The following XKR9 variants were observed in gnomAD, a reference collection of about 807,000 sequenced individuals.
XKR9 encodes XK-related protein 9.
XKR9 carries 32 observed loss-of-function variants against 32.0 expected under a neutral mutation model. The ratio of observed to expected loss-of-function variants is 1.00; its 90% confidence interval spans 0.76 to 1.34. The LOEUF (loss-of-function observed/expected upper bound fraction) is 1.34. Among genes scored for constraint, XKR9 ranks in the 40% most tolerant of loss-of-function variants. The pLI, the probability that XKR9 is intolerant of heterozygous loss-of-function variation, is 0.00. For synonymous variants in XKR9, 168 were observed against 143.4 expected (o/e 1.17, Z -1.22); for missense variants, 546 against 429.7 (o/e 1.27, Z -2.39).
chr8:70,751,649 G>A lies in XKR9; in HGVS notation n.353-37690G>A, dbSNP rs139666057. On this transcript the variant is annotated intron_variant and non_coding_transcript_variant, in intron 2 of 3. Coordinates refer to the XKR9 transcript ENST00000520273. Reference sequence around the variant, plus strand: ...AAAGGCAGAGGAAAGGTGATTTGCCGTTTCTTCTTGAGCTGAGACATCTAC... The same window carrying A: ...AAAGGCAGAGGAAAGGTGATTTGCCATTTCTTCTTGAGCTGAGACATCTAC... Among the ~76,000 whole-genome samples the A allele has an allele frequency of 8.3e-4, 127 of 152,220 alleles. 2 individuals carry two copies. The South Asian group carries it at 0.015, about 18-fold the overall frequency.
In XKR9 at chr8:70,773,286, A is replaced by T. The variant is rs145663977; in HGVS notation, n.353-16053A>T. 9.6e-3 allele frequency among the ~76,000 whole-genome samples: 1,459 copies of T among 152,342 alleles called. 14 individuals carry two copies. Among genetic ancestry groups the T allele is most frequent in the Non-Finnish European group, 0.013 (900 of 68,036 alleles). The stretch of plus-strand genomic sequence containing the variant: ...GTTTACAGATATGGATATGCAGGGA[A>T]GCAGGCCTATGGCTTAATTAAGTCA... On this transcript the variant is annotated intron_variant and non_coding_transcript_variant, in intron 2 of 3. Transcript: ENST00000520273.
At chr8:70,866,740 C>T in the XKR9 span, among the ~76,000 whole-genome samples, 1 of 151,928 alleles carries the variant, frequency 6.6e-6, no homozygotes, top group South Asian at 2.1e-4. Context: ...CCCCCTTGGC[C>T]TCCCAAAGTG....
At chr8:70,974,477 G>A in the XKR9 span, among the ~76,000 whole-genome samples, 2 of 152,126 alleles carry the variant, frequency 1.3e-5, no homozygotes, top group Non-Finnish European at 2.9e-5. Flanking sequence ...CCACCTATGA[G>A]TGAGAACATG....
chr8:70,767,240 T>C (rs1807389905), intron 2 of XKR9, among the ~76,000 whole-genome samples: 1 of 152,202 alleles, frequency 6.6e-6, no homozygotes, highest in Non-Finnish European at 1.5e-5. Context: ...GGGATTTTTT[T>C]GGTTGGTAGG....
At chr8:70,698,081 C>T (rs1189117207) in intron 3 of XKR9, among the ~76,000 whole-genome samples, 1 of 152,024 alleles carries the variant, frequency 6.6e-6, no homozygotes, top group Admixed American at 6.6e-5. Context: ...CTCTTTTCTT[C>T]TTTATTAGTC....
At chr8:71,044,992 T>C in the XKR9 span, among the ~76,000 whole-genome samples, 1 of 152,218 alleles carries the variant, frequency 6.6e-6, no homozygotes, top group Non-Finnish European at 1.5e-5. Context: ...AAGGTCTTAG[T>C]ATTACACATT....
At chr8:70,888,586 G>A in the XKR9 span, among the ~76,000 whole-genome samples, 1 of 151,922 alleles carries the variant, frequency 6.6e-6, no homozygotes, top group East Asian at 1.9e-4. Context: ...ATAGTTTCAG[G>A]TATTTCATGT....
the XKR9 span, among the ~76,000 whole-genome samples, chr8:70,819,793 G>A: frequency 6.6e-6 from 1 of 152,036 alleles, no homozygotes; most frequent in African/African-American, 2.4e-5. Context: ...TTAGTTAATC[G>A]TTCCTGTAGG....
the XKR9 span, among the ~76,000 whole-genome samples, chr8:70,918,223 A>G: frequency 6.6e-6 from 1 of 152,204 alleles, no homozygotes; most frequent in Non-Finnish European, 1.5e-5. Flanking sequence ...CAGGGGTTTG[A>G]AGACAGAAGA....
At chr8:70,774,773 C>G (rs969944740) in intron 2 of XKR9, among the ~76,000 whole-genome samples, 1 of 152,110 alleles carries the variant, frequency 6.6e-6, no homozygotes, top group Admixed American at 6.6e-5. Flanking sequence ...GGCTAGTGCA[C>G]ACTGTTCTGA....
chr8:70,954,140 T>G, the XKR9 span, among the ~76,000 whole-genome samples: 2 of 149,260 alleles, frequency 1.3e-5, no homozygotes, highest in Admixed American at 1.3e-4. Flanking sequence ...AAGGTTGGTG[T>G]TTTTTTTTTC....
At chr8:70,763,029 G>T (rs1316271362) in intron 2 of XKR9, among the ~76,000 whole-genome samples, 1 of 152,132 alleles carries the variant, frequency 6.6e-6, no homozygotes, top group Non-Finnish European at 1.5e-5. Flanking sequence ...GAATAATTTT[G>T]TGACTAGAGG....
chr8:70,985,831 G>C, the XKR9 span, among the ~76,000 whole-genome samples: 1 of 151,800 alleles, frequency 6.6e-6, no homozygotes. Context: ...CAAATATTAT[G>C]TAAGATAAGA....
At chr8:70,949,487 CTT>C in the XKR9 span, among the ~76,000 whole-genome samples, 17 of 151,928 alleles carry the variant, frequency 1.1e-4, 1 homozygote, top group African/African-American at 3.9e-4. Flanking sequence ...TAAATTAAAT[CTT>C]AATATTAAAT....
the XKR9 span, among the ~76,000 whole-genome samples, chr8:70,863,025 G>GA: frequency 6.6e-6 from 1 of 152,112 alleles, no homozygotes; most frequent in East Asian, 1.9e-4. Flanking sequence ...GAGTAGAAAG[G>GA]AAGTTAGTGT....
the XKR9 span, among the ~76,000 whole-genome samples, chr8:70,939,234 C>G: frequency 6.6e-6 from 1 of 151,950 alleles, no homozygotes; most frequent in Non-Finnish European, 1.5e-5. Flanking sequence ...TGAAATATGT[C>G]CGAAAGAAAA....
the XKR9 span, among the ~76,000 whole-genome samples, chr8:71,064,139 A>G: frequency 6.6e-6 from 1 of 152,220 alleles, no homozygotes; most frequent in Admixed American, 6.5e-5. Context: ...AGATAAAAGT[A>G]TAGAGATGAG....
chr8:70,869,436 C>A, the XKR9 span, among the ~76,000 whole-genome samples: 1 of 152,162 alleles, frequency 6.6e-6, no homozygotes, highest in African/African-American at 2.4e-5. Context: ...CTTGTGCAGG[C>A]AAACTCCACC....
At chr8:71,000,727 G>A in the XKR9 span, among the ~76,000 whole-genome samples, 1 of 152,088 alleles carries the variant, frequency 6.6e-6, no homozygotes, top group Non-Finnish European at 1.5e-5. Flanking sequence ...TTATTTTTGT[G>A]TACCTTTCTG....
Sources: gnomAD v4.1 joint callset for allele counts (sites outside exome capture counted in the v4.1 genomes callset) on GRCh38, gnomAD v4.1.1 for gene constraint, MANE v1.5 for transcripts, NCBI Gene and HGNC (gene_info 2026-07-23, HGNC 2026-07-21) for gene names.